The following LRMDA variants were observed in gnomAD, a reference collection of about 807,000 sequenced individuals.
LRMDA encodes leucine-rich melanocyte differentiation-associated protein.
In LRMDA, 18 loss-of-function variants were observed where a neutral mutation model predicts 29.8. The ratio of observed to expected loss-of-function variants is 0.60; its 90% CI spans 0.42 to 0.90. The LOEUF (loss-of-function observed/expected upper bound fraction) is 0.90. Among genes scored for constraint, LRMDA ranks in the 40% least tolerant of loss-of-function variants. The pLI is 0.00. For synonymous variants in LRMDA, 125 were observed against 109.4 expected (o/e 1.14, Z -0.89); for missense variants, 273 against 273.9 (o/e 1.00, Z 0.02).
chr10:76,030,689 G>A (rs529400483), intron 2 of LRMDA, among the ~76,000 whole-genome samples: 5 of 152,272 alleles, frequency 3.3e-5, no homozygotes, highest in East Asian at 1.9e-4. Context: ...CTCAGGAGGC[G>A]GAGGCAGGAG....
intron 2 of LRMDA, among the ~76,000 whole-genome samples, chr10:75,911,721 A>G (rs1457246894): frequency 2.6e-5 from 4 of 152,128 alleles, no homozygotes; most frequent in Middle Eastern, 3.2e-3. Context: ...TGCTGTGGCT[A>G]TCTACTGTGT....
At chr10:76,101,121 A>G (rs554268405) in intron 5 of LRMDA, among the ~76,000 whole-genome samples, 3 of 152,190 alleles carry the variant, frequency 2.0e-5, no homozygotes, top group Non-Finnish European at 4.4e-5. Flanking sequence ...TATTCTCTCC[A>G]GCTTTTTATA....
At chr10:75,496,023 A>C (rs1845041338) in intron 2 of LRMDA, among the ~76,000 whole-genome samples, 1 of 152,242 alleles carries the variant, frequency 6.6e-6, no homozygotes, top group South Asian at 2.1e-4. Flanking sequence ...TGGGACGTGT[A>C]ATCTGATGAG....
At chr10:75,971,429 A>G (rs1388940237) in intron 2 of LRMDA, among the ~76,000 whole-genome samples, 1 of 152,160 alleles carries the variant, frequency 6.6e-6, no homozygotes, top group Non-Finnish European at 1.5e-5. Flanking sequence ...AGTTTCCCAC[A>G]ATCTGATACT....
chr10:76,363,394 G>C (rs1841353398), intron 6 of LRMDA, among the ~76,000 whole-genome samples: 1 of 152,120 alleles, frequency 6.6e-6, no homozygotes, highest in Non-Finnish European at 1.5e-5. Context: ...ATTTGCAGAT[G>C]AAATTATCAT....
At chr10:76,507,343 G>A (rs1319258654) in intron 6 of LRMDA, among the ~76,000 whole-genome samples, 1 of 149,362 alleles carries the variant, frequency 6.7e-6, no homozygotes, top group African/African-American at 2.5e-5. Context: ...TATTTTGGTT[G>A]TTAATCCCTT....
intron 2 of LRMDA, among the ~76,000 whole-genome samples, chr10:75,600,267 T>G (rs1840865655): frequency 6.6e-6 from 1 of 152,156 alleles, no homozygotes; most frequent in Non-Finnish European, 1.5e-5. Context: ...ACACCTTGCG[T>G]GTGAAGGGCA....
chr10:75,750,964 C>T lies in LRMDA; in HGVS notation c.132-285044C>T, dbSNP rs556922840. ...CTGCACTTTGGGAGGCCAAGGCAGG[C>T]GGCTGGGAGGTGGAGTTTGTAGCCA... On this transcript the variant is annotated intron_variant, in intron 2 of 6. Coordinates refer to ENST00000611255, the MANE Select transcript of LRMDA (RefSeq NM_001305581.2). Among the ~76,000 whole-genome samples the T allele has an allele frequency of 7.5e-4, 115 of 152,332 alleles. No individual in the cohort carries two copies. In the South Asian group the frequency reaches 0.013, roughly 18 times the overall value.
intron 2 of LRMDA, among the ~76,000 whole-genome samples, chr10:75,954,284 A>C (rs1053754003): frequency 2.6e-5 from 4 of 152,194 alleles, no homozygotes; most frequent in African/African-American, 9.7e-5. Flanking sequence ...GGGGTGGAGC[A>C]GTTGTGTGCA....
At chr10:75,608,548 TA>T (rs1840988616) in intron 2 of LRMDA, among the ~76,000 whole-genome samples, 1 of 152,200 alleles carries the variant, frequency 6.6e-6, no homozygotes, top group Non-Finnish European at 1.5e-5. Flanking sequence ...AGTTTGACTA[TA>T]ATGTTCAGTT....
At position 75,555,909 on chromosome 10, in the gene LRMDA, A is replaced by T. The variant is rs1281362679; in HGVS notation, c.131+117415A>T. 2.6e-5 allele frequency among the ~76,000 whole-genome samples: 4 copies of T among 152,250 alleles called. 1 individual carries two copies. The South Asian group carries it at 8.3e-4, about 32-fold the overall frequency. On this transcript the variant is annotated intron_variant, in intron 2 of 6. Transcript: ENST00000611255. ...AGTGAACATTCTAGGACTGAAAATTATAATATCAAACAAAAAAATTCACTG... is the reference window on the plus strand; with the variant it reads ...AGTGAACATTCTAGGACTGAAAATTTTAATATCAAACAAAAAAATTCACTG...
intron 6 of LRMDA, among the ~76,000 whole-genome samples, chr10:76,440,292 T>C (rs1842288023): frequency 6.6e-6 from 1 of 152,208 alleles, no homozygotes; most frequent in African/African-American, 2.4e-5. Context: ...GTCCTATCAT[T>C]TGTGGACAAA....
intron 2 of LRMDA, among the ~76,000 whole-genome samples, chr10:75,833,952 C>A (rs376526267): frequency 6.6e-6 from 1 of 152,124 alleles, no homozygotes; most frequent in Admixed American, 6.5e-5. Context: ...TTCTGTGTGG[C>A]TTGAGGACCT....
At chr10:75,979,906 C>G (rs1847136497) in intron 2 of LRMDA, among the ~76,000 whole-genome samples, 1 of 152,180 alleles carries the variant, frequency 6.6e-6, no homozygotes, top group Non-Finnish European at 1.5e-5. Flanking sequence ...ATATGTAGCC[C>G]TCTCTGGGTC....
At chr10:76,406,152 T>C (rs1382633117) in intron 6 of LRMDA, among the ~76,000 whole-genome samples, 1 of 152,206 alleles carries the variant, frequency 6.6e-6, no homozygotes, top group Non-Finnish European at 1.5e-5. Context: ...TGGATGGGTT[T>C]GGGAAATATG....
At chr10:75,477,238 C>T (rs1268286683) in intron 2 of LRMDA, among the ~76,000 whole-genome samples, 1 of 152,062 alleles carries the variant, frequency 6.6e-6, no homozygotes, top group Non-Finnish European at 1.5e-5. Flanking sequence ...CCTCGGCCTC[C>T]CAAAGCACTA....
At chr10:75,448,974 A>C (rs1232657421) in intron 2 of LRMDA, among the ~76,000 whole-genome samples, 1 of 152,106 alleles carries the variant, frequency 6.6e-6, no homozygotes. Flanking sequence ...CAACATGGCA[A>C]AACCCCATCT....
rs34902461 is a variant in LRMDA, at chr10:75,728,426, C to CTGTGTG, written c.131+289972_131+289977dup. Among the ~76,000 whole-genome samples, 1,198 of 138,274 alleles carry CTGTGTG rather than the reference C, an allele frequency of 8.7e-3. 14 individuals carry two copies. Among genetic ancestry groups the CTGTGTG allele is most frequent in the African/African-American group, 0.014 (518 of 36,972 alleles). The allele number at this position is 138,274 out of a possible 152,430, so 90.7% of individuals were successfully genotyped here. Reference sequence around the variant, plus strand: ...TTAGTTCTGTGCTTGATACGTGGCTCTGTGTGTGTGTGTGTGTGTGTGTGT... The same window carrying CTGTGTG: ...TTAGTTCTGTGCTTGATACGTGGCTCTGTGTGTGTGTGTGTGTGTGTGTGTGTGTGT... On this transcript the variant is annotated intron_variant, in intron 2 of 6. Transcript: ENST00000611255.
intron 2 of LRMDA, among the ~76,000 whole-genome samples, chr10:75,715,024 T>A (rs1037640196): frequency 3.3e-5 from 5 of 152,158 alleles, no homozygotes; most frequent in African/African-American, 1.2e-4. Flanking sequence ...GGAGCTTCCA[T>A]GATATTCACA....
Sources: gnomAD v4.1 joint callset for allele counts (sites outside exome capture counted in the v4.1 genomes callset) on GRCh38, gnomAD v4.1.1 for gene constraint, MANE v1.5 for transcripts, NCBI Gene and HGNC (gene_info 2026-07-23, HGNC 2026-07-21) for gene names.